MFN2: variants seen among roughly 807,000 people sequenced by gnomAD.
The protein encoded by MFN2 is mitofusin 2.
MFN2 carries 43 observed loss-of-function variants against 87.5 expected under a neutral mutation model. The observed-to-expected ratio is 0.49, with a 90% confidence interval of 0.38 to 0.63. The LOEUF is 0.63. Ranked by LOEUF, MFN2 falls within the 30% of genes least tolerant of loss-of-function variation. MFN2 has a pLI of 0.00. For missense variants in MFN2, 743 were observed against 972.8 expected (o/e 0.76, Z 3.14); for synonymous variants, 337 against 359.9 (o/e 0.94, Z 0.72).
chr1:11,983,312 C>T (rs1025865624), intron 2 of MFN2, among the ~76,000 whole-genome samples: 14 of 152,204 alleles, frequency 9.2e-5, no homozygotes, highest in Non-Finnish European at 2.1e-4. Context: ...ACCTTGTGAT[C>T]TACCCACCTC....
At chr1:11,997,028 GACT>G (rs1409215364) in intron 5 of MFN2, among the ~76,000 whole-genome samples, 3 of 125,122 alleles carry the variant, frequency 2.4e-5, no homozygotes, top group African/African-American at 9.4e-5. Flanking sequence ...GACAGAGCGA[GACT>G]CCGTCTCAAA....
chr1:12,011,587 G>A lies in MFN2; in HGVS notation c.*22G>A. 1 of 1,613,138 alleles carries A rather than the reference G, an allele frequency of 6.2e-7. No individual in the cohort carries two copies. The highest frequency in any genetic ancestry group is 2.2e-5 in the East Asian group (1 of 44,864). ...ATAGTGGGCACCTGAGGCGGAGTCT[G>A]CGTGGAGAGGGGCGGTGCTGCCAGC... is the stretch of plus-strand genomic sequence containing the variant. On this transcript the variant is annotated 3_prime_UTR_variant, in exon 19 of 19. Transcript: ENST00000235329.
Position 12,008,428 on chromosome 1 carries a change from C to T in MFN2, c.2070-1164C>T, listed in dbSNP as rs936335297. 3.4e-4 allele frequency among the ~76,000 whole-genome samples: 49 copies of T among 143,422 alleles called. 2 individuals are homozygous for T. In the East Asian group the frequency reaches 7.2e-3, roughly 21 times the overall value. 94.1% of individuals were successfully genotyped at this position (143,422 alleles called of 152,430 possible). ...GGCTGGCCGGGCGGGGGCTGACCCC[C>T]CCCACCTCCCTCCCGGACGGGGCGG... On this transcript the variant is annotated intron_variant, in intron 17 of 18. Transcript: ENST00000235329.
chr1:12,005,640 C>G (rs946856741), intron 14 of MFN2, 71 bp from the exon 15 acceptor site: 2 of 1,470,908 alleles, frequency 1.4e-6, no homozygotes, highest in Admixed American at 3.3e-5. Flanking sequence ...AGAGCCCTGT[C>G]TCCAAGGCTT....
chr1:12,009,083 G>A (rs908570139), intron 17 of MFN2, among the ~76,000 whole-genome samples: 5 of 152,228 alleles, frequency 3.3e-5, no homozygotes, highest in Non-Finnish European at 7.3e-5. Flanking sequence ...GCCTGCAGTC[G>A]CAGGCACTGG....
At position 11,997,403 on chromosome 1, in the gene MFN2, A is replaced by C; in HGVS notation, c.581A>C (p.Asp194Ala). 1 of 1,614,100 alleles carries C rather than the reference A, an allele frequency of 6.2e-7. No individual in the cohort carries two copies. The highest frequency in any genetic ancestry group is 8.5e-7 in the Non-Finnish European group (1 of 1,179,992). ...PNSKCPLLKD[D>A]LVLMDSPGID... ...TCTAAGTGCCCACTTCTGAAGGATGACCTCGTTTTGATGGACAGGTAAGAG... is the reference window on the plus strand; with the variant it reads ...TCTAAGTGCCCACTTCTGAAGGATGCCCTCGTTTTGATGGACAGGTAAGAG... Residue 194 changes from aspartate to alanine, a missense_variant, in exon 6 of 19, where the codon GAC becomes GCC. This residue lies in a region of MFN2 where 141 missense variants were observed against 278.9 expected (regional missense o/e 0.51). Coordinates refer to ENST00000235329, the MANE Select transcript of MFN2 (RefSeq NM_014874.4).
Position 12,011,943 on chromosome 1 carries a change from T to G in MFN2, c.*378T>G. On this transcript the variant is annotated 3_prime_UTR_variant, in exon 19 of 19. Coordinates refer to ENST00000235329, the MANE Select transcript of MFN2 (RefSeq NM_014874.4). ...AGGGTATCACACAGACACCCCCACC[T>G]TCCTCCAGCCTGTGCGCACCTGCCC... 6.8e-6 allele frequency: 2 copies of G among 293,314 alleles called. No individual in the cohort carries two copies. The highest frequency in any genetic ancestry group is 1.3e-5 in the Non-Finnish European group (2 of 149,786). The allele number at this position is 293,314 out of a possible 1,614,324, so 18.2% of individuals were successfully genotyped here. A position where few individuals can be genotyped will look rare whatever the true frequency, so the allele number is the denominator to read the frequency against.
intron 5 of MFN2, among the ~76,000 whole-genome samples, chr1:11,996,547 A>G (rs1436563789): frequency 2.6e-5 from 4 of 152,196 alleles, no homozygotes; most frequent in Non-Finnish European, 5.9e-5. Flanking sequence ...TGTTCCTCAT[A>G]CAGCTCTGAG....
intron 8 of MFN2, among the ~76,000 whole-genome samples, chr1:11,999,869 C>T (rs952153827): frequency 5.9e-5 from 9 of 151,714 alleles, no homozygotes; most frequent in Non-Finnish European, 8.8e-5. Flanking sequence ...CCGATGTGGG[C>T]GGATCACGAG....
chr1:11,994,032 C>T (rs1210601029), intron 4 of MFN2, among the ~76,000 whole-genome samples: 2 of 152,168 alleles, frequency 1.3e-5, no homozygotes, highest in Admixed American at 6.6e-5. Flanking sequence ...AAGGTGTGCA[C>T]ATTGAGATTG....
At chr1:11,986,121 A>G (rs76158437) in intron 2 of MFN2, among the ~76,000 whole-genome samples, 2 of 152,302 alleles carry the variant, frequency 1.3e-5, no homozygotes, top group African/African-American at 2.4e-5. Flanking sequence ...GTGGGTCCCT[A>G]TCCCGCTTTG....
Position 12,006,684 on chromosome 1 carries a change from T to G in MFN2, c.1863T>G (p.Val621=). The G allele has an allele frequency of 6.2e-7, 1 of 1,609,216 alleles. No homozygotes were observed. The highest frequency in any genetic ancestry group is 8.5e-7 in the Non-Finnish European group (1 of 1,177,836). The stretch of plus-strand genomic sequence containing the variant: ...GGACCTCCATGGGCATTCTTGTTGT[T>G]GGAGGAGTGGTCAGTGACCAGTTCT... ...TSRTSMGILV[V]GGVVWKAVGW... The change falls in exon 16 of 19, where the codon GTT becomes GTG. Residue 621 remains valine (V), a synonymous_variant. Coordinates refer to ENST00000235329, the MANE Select transcript of MFN2 (RefSeq NM_014874.4).
At chr1:11,982,363 A>G (rs1374905643) in intron 2 of MFN2, among the ~76,000 whole-genome samples, 2 of 152,188 alleles carry the variant, frequency 1.3e-5, no homozygotes, top group African/African-American at 2.4e-5. Flanking sequence ...CTGAAGAGTT[A>G]GTCTCTGTCT....
At chr1:11,996,093 CGTTGTGAAAGTAATTCAGGTCAGATA>C in intron 4 of MFN2, 37 bp from the exon 5 acceptor site, 1 of 1,604,716 alleles carries the variant, frequency 6.2e-7, no homozygotes, top group Non-Finnish European at 8.5e-7. Flanking sequence ...CTGGTATCTG[CGTTGTGAAAGTAATTCAGGTCAGATA>C]CTGGTGGCTT....
At chr1:12,005,597 C>A in intron 14 of MFN2, 114 bp from the exon 15 acceptor site, 1 of 1,130,280 alleles carries the variant, frequency 8.8e-7, no homozygotes, top group Non-Finnish European at 1.3e-6. Flanking sequence ...GGTTCCCAGG[C>A]AAAGCTGTTC....
chr1:11,994,317 G>A (rs1374354952), intron 4 of MFN2, among the ~76,000 whole-genome samples: 1 of 152,184 alleles, frequency 6.6e-6, no homozygotes, highest in African/African-American at 2.4e-5. Flanking sequence ...GACCAGGCAC[G>A]GTGGCTCACG....
intron 3 of MFN2, among the ~76,000 whole-genome samples, chr1:11,991,576 C>T (rs905569276): frequency 2.0e-5 from 3 of 152,018 alleles, no homozygotes; most frequent in Non-Finnish European, 2.9e-5. Context: ...TGAGGGAGAC[C>T]GTGAGGCAGC....
chr1:12,004,868 C>A lies in MFN2; in HGVS notation c.1436C>A (p.Ser479Tyr). 6.2e-7 allele frequency: 1 copy of A among 1,613,830 alleles called. No homozygotes were observed. Among genetic ancestry groups the A allele is most frequent in the South Asian group, 1.1e-5 (1 of 91,016 alleles). ...GAGGAAGGACTGGGTCGAAACATGT[C>A]TGACCGCTGCTCCACGGCCATCACC... ...HIEEGLGRNM[S>Y]DRCSTAITNS... The change falls in exon 14 of 19, where the codon TCT becomes TAT. Residue 479 changes from serine to tyrosine, a missense_variant. Around this residue, in one of 3 missense-constraint regions of MFN2, gnomAD observed 571 missense variants for 670.7 expected, o/e 0.85. Transcript: ENST00000235329. This position sits in a 1 kb window ranked among gnomAD's most constrained non-coding sequence, Gnocchi z 4.2.
At chr1:12,009,866 AC>A in intron 18 of MFN2, 140 bp downstream of exon 18, 1 of 1,292,706 alleles carries the variant, frequency 7.7e-7, no homozygotes, top group Non-Finnish European at 1.1e-6. Context: ...TTAGATGTGT[AC>A]CATGGGCTGG....
Sources: gnomAD v4.1 joint callset for allele counts (sites outside exome capture counted in the v4.1 genomes callset) on GRCh38, gnomAD v4.1.1 for gene constraint, gnomAD v4.1.1 regional missense constraint, Gnocchi (gnomAD v3.1) non-coding constraint, MANE v1.5 for transcripts, NCBI Gene and HGNC (gene_info 2026-07-23, HGNC 2026-07-21) for gene names.